The following MYRFL variants were observed in gnomAD, a reference collection of about 807,000 sequenced individuals.
The protein encoded by MYRFL is myelin regulatory factor like.
In MYRFL, 88 loss-of-function variants were observed where a neutral mutation model predicts 109.4. The observed-to-expected ratio is 0.80, with a 90% CI of 0.68 to 0.96. The LOEUF (loss-of-function observed/expected upper bound fraction) is 0.96. MYRFL is among the 40% of genes least tolerant of loss of function. The probability of loss-of-function intolerance (pLI) is 0.00; values close to 1 mark genes in which losing one functional copy is unlikely to be tolerated. For synonymous variants in MYRFL, 324 were observed against 320.9 expected (o/e 1.01, Z -0.10); for missense variants, 957 against 954.9 (o/e 1.00, Z -0.03).
intron 1 of MYRFL, among the ~76,000 whole-genome samples, chr12:69,833,283 T>C (rs1362658878): frequency 6.6e-6 from 1 of 152,132 alleles, no homozygotes; most frequent in Non-Finnish European, 1.5e-5. Flanking sequence ...CAGAAGAGTG[T>C]GGTTGTTAAA....
intron 8 of MYRFL, 30 bp downstream of exon 8, chr12:69,893,870 G>C: frequency 8.6e-7 from 1 of 1,169,150 alleles, no homozygotes; most frequent in South Asian, 2.7e-5. Context: ...ATTCCTTTGT[G>C]AATGTTTTGT....
At chr12:69,856,341 T>C (rs903896684) in intron 2 of MYRFL, among the ~76,000 whole-genome samples, 3 of 152,176 alleles carry the variant, frequency 2.0e-5, no homozygotes, top group African/African-American at 7.2e-5. Context: ...GTTTTGGCAA[T>C]TGTAAATCAT....
At chr12:69,915,528 A>G (rs1231053075) in intron 13 of MYRFL, among the ~76,000 whole-genome samples, 1 of 152,246 alleles carries the variant, frequency 6.6e-6, no homozygotes. Flanking sequence ...TAGACTGTCT[A>G]TGCAAGCAAC....
chr12:69,882,685 AGTGCTGGTAGGCAGGCTT>A (rs1327251358), intron 5 of MYRFL, among the ~76,000 whole-genome samples: 1 of 152,174 alleles, frequency 6.6e-6, no homozygotes, highest in Admixed American at 6.5e-5. Context: ...TTAGAGAGGA[AGTGCTGGTAGGCAGGCTT>A]CTACCAGCTG....
intron 1 of MYRFL, among the ~76,000 whole-genome samples, chr12:69,853,498 G>C (rs539888793): frequency 1.3e-5 from 2 of 148,994 alleles, no homozygotes; most frequent in Admixed American, 6.7e-5. Context: ...AGGCAGAGGC[G>C]CGCCTCACAT....
intron 1 of MYRFL, among the ~76,000 whole-genome samples, chr12:69,847,865 A>G (rs1350013438): frequency 6.6e-6 from 1 of 152,174 alleles, no homozygotes; most frequent in Non-Finnish European, 1.5e-5. Context: ...GTCTGAAAAA[A>G]TCAATTTTTA....
rs1040127223 is a variant in MYRFL at position 69,855,352 on chromosome 12, A to C, written c.119A>C (p.Asp40Ala). The change falls in exon 2 of 25, where the codon GAC becomes GCC. Residue 40 changes from aspartate (D) to alanine (A), a missense_variant. Physicochemically the swap from Asp to Ala is moderately radical, Grantham distance 126. Transcript: ENST00000552032. Reference protein sequence around the residue: ...TSLLEEFLGNDFDLGALQRQL... With the variant: ...TSLLEEFLGNAFDLGALQRQL... ...CTGTTGGAGGAATTTCTGGGCAATG[A>C]CTTTGATTTGGGGGCCTTGTAAGTA... 2.8e-6 allele frequency: 2 copies of C among 702,554 alleles called. No individual in the cohort carries two copies. The highest frequency in any genetic ancestry group is 3.5e-5 in the African/African-American group (2 of 57,250). The allele number at this position is 702,554 out of a possible 1,614,324, so 43.5% of individuals were successfully genotyped here.
At chr12:69,853,251 G>T (rs1884008819) in intron 1 of MYRFL, among the ~76,000 whole-genome samples, 1 of 151,848 alleles carries the variant, frequency 6.6e-6, no homozygotes, top group South Asian at 2.1e-4. Context: ...CGGCTGGCCG[G>T]GCAGGGGCTG....
In MYRFL at chr12:69,897,174, T is replaced by C. The variant is rs1432529032; in HGVS notation, c.1110T>C (p.Val370=). 3 of 1,535,650 alleles carry C rather than the reference T, an allele frequency of 2.0e-6. No individual in the cohort carries two copies. Among genetic ancestry groups the C allele is most frequent in the Non-Finnish European group, 2.6e-6 (3 of 1,146,606 alleles). Residue 370 remains valine (V), a synonymous_variant, in exon 10 of 25, where the codon GTT becomes GTC. Coordinates refer to ENST00000552032, the MANE Select transcript of MYRFL (RefSeq NM_182530.3). Reference sequence around the variant, plus strand: ...GAATTAGATACTTCATGTTGGTGGTTGGACTGTATGCTGCTAACCAAGACC... The same window carrying C: ...GAATTAGATACTTCATGTTGGTGGTCGGACTGTATGCTGCTAACCAAGACC... ...NPDQRYFMLV[V]GLYAANQDQF...
In MYRFL at chr12:69,889,754, G is replaced by A. The variant is rs182765416; in HGVS notation, c.708-1217G>A. ...GCCTGTAATCCCAGCTACTCAGGAG[G>A]CAGAGACAGGGAGAATTGCTTGAAC... is the stretch of plus-strand genomic sequence containing the variant. On this transcript the variant is annotated intron_variant, in intron 6 of 24. Coordinates refer to ENST00000552032, the MANE Select transcript of MYRFL (RefSeq NM_182530.3). 1.4e-3 allele frequency among the ~76,000 whole-genome samples: 209 copies of A among 152,222 alleles called. 1 individual carries two copies. Among genetic ancestry groups the A allele is most frequent in the Middle Eastern group, 3.4e-3 (1 of 294 alleles).
At chr12:69,886,219 C>T (rs1886438763) in intron 5 of MYRFL, among the ~76,000 whole-genome samples, 1 of 152,204 alleles carries the variant, frequency 6.6e-6, no homozygotes, top group Non-Finnish European at 1.5e-5. Context: ...TCCCAGAACT[C>T]AGATGACACC....
chr12:69,896,450 AG>A (rs1048501465), intron 9 of MYRFL, among the ~76,000 whole-genome samples: 5 of 152,222 alleles, frequency 3.3e-5, no homozygotes, highest in African/African-American at 1.2e-4. Context: ...CTTGGGCAAA[AG>A]CTTCTTTGAT....
intron 1 of MYRFL, among the ~76,000 whole-genome samples, chr12:69,839,050 ATGAAGGATGGATTCATC>A (rs1037783912): frequency 9.9e-5 from 15 of 152,198 alleles, no homozygotes; most frequent in African/African-American, 3.6e-4. Flanking sequence ...TGAAAAAGCA[ATGAAGGATGGATTCATC>A]TGGCATTTTA....
intron 2 of MYRFL, among the ~76,000 whole-genome samples, chr12:69,872,371 T>C (rs1885404665): frequency 6.6e-6 from 1 of 152,210 alleles, no homozygotes; most frequent in Non-Finnish European, 1.5e-5. Context: ...TCACCTAGGC[T>C]GAAGTGCAGT....
At chr12:69,904,070 C>A in intron 11 of MYRFL, 1 of 446,700 alleles carries the variant, frequency 2.2e-6, no homozygotes, top group Non-Finnish European at 4.0e-6. Flanking sequence ...GAGCAGTGGG[C>A]AAAGACAGCA....
intron 19 of MYRFL, among the ~76,000 whole-genome samples, chr12:69,937,403 T>A (rs1955505120): frequency 6.6e-6 from 1 of 152,204 alleles, no homozygotes; most frequent in Non-Finnish European, 1.5e-5. Context: ...TAAATAACAG[T>A]GGCTTCTTTA....
chr12:69,898,561 G>A (rs1215529866), intron 10 of MYRFL, among the ~76,000 whole-genome samples: 1 of 152,204 alleles, frequency 6.6e-6, no homozygotes, highest in African/African-American at 2.4e-5. Context: ...GATGTAATCT[G>A]GAATTGCCTT....
chr12:69,903,207 A>G (rs921254017), intron 10 of MYRFL, among the ~76,000 whole-genome samples: 1 of 152,250 alleles, frequency 6.6e-6, no homozygotes, highest in African/African-American at 2.4e-5. Context: ...AAACTATAAT[A>G]GGGCTAGCTA....
intron 19 of MYRFL, among the ~76,000 whole-genome samples, chr12:69,938,266 A>G (rs1592869995): frequency 6.6e-6 from 1 of 152,342 alleles, no homozygotes; most frequent in African/African-American, 2.4e-5. Flanking sequence ...CACTTTTCTT[A>G]CTTTGGGAGC....
Sources: allele counts gnomAD v4.1 joint callset (sites outside exome capture counted in the v4.1 genomes callset), GRCh38; gene constraint gnomAD v4.1.1; transcripts MANE v1.5; gene names NCBI Gene and HGNC (gene_info 2026-07-23, HGNC 2026-07-21).